The following GAB2 variants were observed in gnomAD, a reference collection of about 807,000 sequenced individuals.
GAB2 encodes GRB2 associated binding protein 2, also known as GRB2-associated-binding protein 2.
A neutral mutation model predicts 65.5 loss-of-function variants in GAB2; 26 were observed. That is an observed-to-expected ratio of 0.40 (90% CI 0.29 to 0.55). The LOEUF (loss-of-function observed/expected upper bound fraction) is 0.55, where lower values mean the gene tolerates loss of function less well. GAB2 is among the 20% of genes least tolerant of loss of function. The probability of loss-of-function intolerance (pLI) is 0.53; values close to 1 mark genes in which losing one functional copy is unlikely to be tolerated. For synonymous variants in GAB2, 321 were observed against 329.6 expected, an observed-to-expected ratio of 0.97 and a Z score of 0.28; for missense variants, 884 against 875.8, an observed-to-expected ratio of 1.01 and a Z score of -0.12.
intron 1 of GAB2, among the ~76,000 whole-genome samples, chr11:78,381,235 G>T (rs1856693885): frequency 6.6e-6 from 1 of 152,160 alleles, no homozygotes; most frequent in Non-Finnish European, 1.5e-5. Context: ...CTAGAAGGTG[G>T]TCTTGAATAG....
intron 1 of GAB2, among the ~76,000 whole-genome samples, chr11:78,330,677 C>T (rs190110662): frequency 3.3e-5 from 5 of 152,256 alleles, no homozygotes; most frequent in East Asian, 3.9e-4. Context: ...TTATGCATAG[C>T]GTATTCATTT....
intron 9 of GAB2, 101 bp from the exon 10 acceptor site, chr11:78,219,516 G>A (rs1864312457): frequency 3.7e-6 from 4 of 1,068,034 alleles, no homozygotes; most frequent in Non-Finnish European, 5.7e-6. Flanking sequence ...CTGAAGGGGA[G>A]AAGAGCATGG....
rs1460182365 is a variant in GAB2 at position 78,221,780 on chromosome 11, C to T, written c.1659-1G>A. On this transcript the variant is annotated splice_acceptor_variant, in intron 7 of 9. Transcript: ENST00000361507. LOFTEE classifies it high-confidence loss of function. ...GGAGGAGCTGGAGTTGAAGGTGTGG[C>T]TGTTGTGGGAAGGAAGAGTTAACAC... 3 of 1,608,252 alleles carry T rather than the reference C, an allele frequency of 1.9e-6. No homozygotes were observed. The highest frequency in any genetic ancestry group is 4.5e-5 in the East Asian group (2 of 44,836).
intron 1 of GAB2, among the ~76,000 whole-genome samples, chr11:78,360,714 T>TG (rs1332510997): frequency 6.6e-6 from 1 of 151,866 alleles, no homozygotes; most frequent in African/African-American, 2.4e-5. Context: ...AAAAATTAGC[T>TG]GGGGGTGGTA....
intron 1 of GAB2, among the ~76,000 whole-genome samples, chr11:78,394,836 A>G (rs994487307): frequency 2.0e-5 from 3 of 152,196 alleles, no homozygotes; most frequent in African/African-American, 7.2e-5. Flanking sequence ...AAAGAGACGA[A>G]AAGAACTAAA....
At chr11:78,357,969 C>T (rs1268104673) in intron 1 of GAB2, among the ~76,000 whole-genome samples, 1 of 151,974 alleles carries the variant, frequency 6.6e-6, no homozygotes, top group Non-Finnish European at 1.5e-5. Context: ...GATTATAAAT[C>T]TTGCTGCTAT....
chr11:78,301,909 T>G (rs1274219645), intron 1 of GAB2, among the ~76,000 whole-genome samples: 3 of 152,118 alleles, frequency 2.0e-5, no homozygotes, highest in African/African-American at 7.2e-5. Flanking sequence ...CCAACTGATC[T>G]TCAACAAAGC....
chr11:78,309,867 G>T (rs10793301), intron 1 of GAB2, among the ~76,000 whole-genome samples: 23,676 of 151,502 alleles, frequency 0.16, 2,398 homozygotes, highest in East Asian at 0.4. Flanking sequence ...AGAGAGAGGT[G>T]TCTGGTTATA....
chr11:78,363,725 T>C (rs925886993), intron 1 of GAB2, among the ~76,000 whole-genome samples: 9 of 151,852 alleles, frequency 5.9e-5, no homozygotes, highest in African/African-American at 2.2e-4. Context: ...GTTGGGACTA[T>C]AGGCACGCAC....
intron 1 of GAB2, among the ~76,000 whole-genome samples, chr11:78,345,840 G>C (rs1388665310): frequency 6.6e-6 from 1 of 152,162 alleles, no homozygotes; most frequent in African/African-American, 2.4e-5. Context: ...GACACCGACT[G>C]TCCTCATCCT....
At chr11:78,269,878 G>T (rs1286196411) in intron 2 of GAB2, among the ~76,000 whole-genome samples, 2 of 152,096 alleles carry the variant, frequency 1.3e-5, no homozygotes, top group African/African-American at 4.8e-5. Flanking sequence ...AGTTCGAGAA[G>T]GTAAAAAACT....
chr11:78,218,988 C>A lies in GAB2; in HGVS notation c.*284G>T. ...GTCAGGTCTAAAGGACAGGAAGAGG[C>A]TGAAGGATGCTTTTTGGAAGTAGCT... is the stretch of plus-strand genomic sequence containing the variant. On this transcript the variant is annotated 3_prime_UTR_variant, in exon 10 of 10. Coordinates refer to ENST00000361507, the MANE Select transcript of GAB2 (RefSeq NM_080491.3). 2.5e-6 allele frequency: 1 copy of A among 396,952 alleles called. No homozygotes were observed. 24.6% of individuals were successfully genotyped at this position (396,952 alleles called of 1,614,324 possible). A position where few individuals can be genotyped will look rare whatever the true frequency, so the allele number is the denominator to read the frequency against.
chr11:78,250,900 CAG>C (rs1865436259), intron 2 of GAB2, among the ~76,000 whole-genome samples: 1 of 152,124 alleles, frequency 6.6e-6, no homozygotes, highest in Non-Finnish European at 1.5e-5. Context: ...GAGCTAAACA[CAG>C]GGTGCACATG....
chr11:78,360,436 G>C (rs746970901), intron 1 of GAB2, among the ~76,000 whole-genome samples: 1 of 148,856 alleles, frequency 6.7e-6, no homozygotes, highest in Non-Finnish European at 1.5e-5. Flanking sequence ...AAAGAAAAAA[G>C]AAACTAATAC....
At chr11:78,376,552 G>T (rs1856633543) in intron 1 of GAB2, among the ~76,000 whole-genome samples, 1 of 152,188 alleles carries the variant, frequency 6.6e-6, no homozygotes. Context: ...TTAAGTAAAA[G>T]GTTGTGTTCA....
chr11:78,311,938 C>T (rs989464623), intron 1 of GAB2, among the ~76,000 whole-genome samples: 7 of 152,144 alleles, frequency 4.6e-5, no homozygotes, highest in Non-Finnish European at 7.3e-5. Flanking sequence ...CAGAGTTCTA[C>T]CGACAATTTT....
At chr11:78,227,082 G>A (rs779087776) in intron 3 of GAB2, 31 bp from the exon 4 acceptor site, 4 of 1,443,822 alleles carry the variant, frequency 2.8e-6, no homozygotes, top group Non-Finnish European at 3.9e-6. Context: ...AGGGCAGGAG[G>A]GTGAGACAAT....
chr11:78,324,747 G>A (rs1268901125), intron 1 of GAB2: 1 of 152,160 alleles, frequency 6.6e-6, no homozygotes, highest in Non-Finnish European at 1.5e-5. Context: ...AAACATCAAG[G>A]TCTGATGACA....
chr11:78,299,039 G>A (rs1866917115), intron 1 of GAB2, among the ~76,000 whole-genome samples: 1 of 152,214 alleles, frequency 6.6e-6, no homozygotes, highest in Admixed American at 6.5e-5. Context: ...CAGGGATTCA[G>A]ATCAGTAGGT....
Sources: allele counts gnomAD v4.1 joint callset (sites outside exome capture counted in the v4.1 genomes callset), GRCh38; gene constraint gnomAD v4.1.1; transcripts MANE v1.5; gene names NCBI Gene and HGNC (gene_info 2026-07-23, HGNC 2026-07-21).